DCAKD: variants seen among roughly 807,000 people sequenced by gnomAD.
The protein encoded by DCAKD is dephospho-CoA kinase domain-containing protein.
DCAKD carries 15 observed loss-of-function variants against 18.7 expected under a neutral mutation model. The ratio of observed to expected loss-of-function variants is 0.80; its 90% CI spans 0.54 to 1.24. The LOEUF is 1.24. Ranked by LOEUF, DCAKD falls within the 50% of genes most tolerant of loss-of-function variation. The probability of loss-of-function intolerance (pLI) is 0.00; values close to 1 mark genes in which losing one functional copy is unlikely to be tolerated. For synonymous variants in DCAKD, 130 were observed against 133.0 expected (o/e 0.98, Z 0.16); for missense variants, 301 against 322.0 (o/e 0.93, Z 0.50).
chr17:45,044,112 T>C (rs1218070282), intron 1 of DCAKD, among the ~76,000 whole-genome samples: 1 of 152,048 alleles, frequency 6.6e-6, no homozygotes, highest in Non-Finnish European at 1.5e-5. Context: ...CTCACAGCCG[T>C]CTAACAGTTA....
intron 1 of DCAKD, among the ~76,000 whole-genome samples, chr17:45,036,469 T>C (rs2053300926): frequency 6.6e-6 from 1 of 151,938 alleles, no homozygotes; most frequent in African/African-American, 2.4e-5. Context: ...TGAGCGGAGA[T>C]TGCGCCCCTG....
At chr17:45,025,157 T>C (rs1361714347) in intron 4 of DCAKD, among the ~76,000 whole-genome samples, 1 of 152,056 alleles carries the variant, frequency 6.6e-6, no homozygotes, top group Admixed American at 6.6e-5. Context: ...GAAAGGCCTA[T>C]GCCTATGAGC....
upstream of DCAKD, among the ~76,000 whole-genome samples, chr17:45,053,169 T>TA (rs760029893): frequency 0.18 from 13,141 of 74,948 alleles, 1,779 homozygotes; most frequent in Non-Finnish European, 0.21. Context: ...TGTCTCCAGT[T>TA]AAAAAAAAAA....
intron 3 of DCAKD, among the ~76,000 whole-genome samples, chr17:45,033,177 C>T (rs575792615): frequency 7.3e-6 from 1 of 136,850 alleles, no homozygotes; most frequent in Admixed American, 7.6e-5. Context: ...GAGACCCCAT[C>T]TCTAAAAATA....
At chr17:45,026,855 C>T in intron 4 of DCAKD, 6 of 983,090 alleles carry the variant, frequency 6.1e-6, no homozygotes, top group Non-Finnish European at 7.2e-6. Flanking sequence ...TTAGAGATGG[C>T]CTGGGGCTCC....
intron 1 of DCAKD, among the ~76,000 whole-genome samples, chr17:45,057,232 C>T (rs1206417125): frequency 6.6e-6 from 1 of 151,794 alleles, no homozygotes; most frequent in Non-Finnish European, 1.5e-5. Flanking sequence ...TTTTTAGAGA[C>T]AGGGTCCTCT....
At chr17:45,030,974 G>T (rs1689073833) in intron 3 of DCAKD, 1 of 985,262 alleles carries the variant, frequency 1.0e-6, no homozygotes, top group Admixed American at 6.1e-5. Context: ...GGCTGCTGTG[G>T]GCTACACGCT....
In DCAKD at chr17:45,049,713, CTTTTTTTTTTTTTT is replaced by C. The variant is rs57106886; in HGVS notation, c.-115+1634_-115+1647del. ...AGCAGGTAATTTTCTTTTTCTTTTCCTTTTTTTTTTTTTTTTTTTTTTTGAAACAGAGTCTTGCT... is the reference window on the plus strand; with the variant it reads ...AGCAGGTAATTTTCTTTTTCTTTTCCTTTTTTTTTGAAACAGAGTCTTGCT... On this transcript the variant is annotated intron_variant, in intron 1 of 4. Transcript: ENST00000651974. Among the ~76,000 whole-genome samples, 6 of 111,874 alleles carry C rather than the reference CTTTTTTTTTTTTTT, an allele frequency of 5.4e-5. 1 individual carries two copies. The highest frequency in any genetic ancestry group is 1.6e-4 in the African/African-American group (5 of 30,362). The allele number at this position is 111,874 out of a possible 152,430, so 73.4% of individuals were successfully genotyped here.
chr17:45,060,894 A>G, exon 1 of DCAKD: 1 of 425,798 alleles, frequency 2.3e-6, no homozygotes, highest in Non-Finnish European at 3.2e-6. Flanking sequence ...TTACCCGGGA[A>G]ACGTAACGGT....
At chr17:45,055,294 T>C (rs1156656617), upstream of DCAKD, among the ~76,000 whole-genome samples, 1 of 152,224 alleles carries the variant, frequency 6.6e-6, no homozygotes. Context: ...TCATTTTGTT[T>C]GATGAACAAC....
At chr17:45,048,467 G>A (rs1035608942) in intron 1 of DCAKD, among the ~76,000 whole-genome samples, 4 of 152,158 alleles carry the variant, frequency 2.6e-5, no homozygotes, top group Admixed American at 2.0e-4. Context: ...GTGAAACCCC[G>A]TCTCTACTAA....
At chr17:45,055,868 T>C (rs1424184544), upstream of DCAKD, among the ~76,000 whole-genome samples, 2 of 152,066 alleles carry the variant, frequency 1.3e-5, no homozygotes, top group African/African-American at 4.8e-5. Context: ...AGAAAGGTTA[T>C]ATGTGGCCGG....
At chr17:45,046,485 G>A (rs917729472) in intron 1 of DCAKD, among the ~76,000 whole-genome samples, 2 of 151,966 alleles carry the variant, frequency 1.3e-5, no homozygotes, top group African/African-American at 4.8e-5. Context: ...GCGTGGTGGT[G>A]CGTGCCTGTA....
chr17:45,054,996 C>T (rs144118756), upstream of DCAKD, among the ~76,000 whole-genome samples: 3 of 152,318 alleles, frequency 2.0e-5, no homozygotes, highest in East Asian at 5.8e-4. Flanking sequence ...AAAGCAGCTG[C>T]ACCTCTGCCC....
At chr17:45,025,757 T>TC (rs1199374226) in intron 4 of DCAKD, among the ~76,000 whole-genome samples, 1 of 147,464 alleles carries the variant, frequency 6.8e-6, no homozygotes, top group East Asian at 1.9e-4. Context: ...TTTTTTTTTT[T>TC]TTTTTTTTTT....
At chr17:45,052,401 C>T (rs947882201), upstream of DCAKD, among the ~76,000 whole-genome samples, 1 of 150,882 alleles carries the variant, frequency 6.6e-6, no homozygotes, top group African/African-American at 2.4e-5. Flanking sequence ...TATCATCATC[C>T]CCATTTTACA....
intron 4 of DCAKD, chr17:45,026,650 A>C: frequency 1.0e-6 from 1 of 985,446 alleles, no homozygotes; most frequent in Non-Finnish European, 1.2e-6. Context: ...TCTGGGAAGC[A>C]GACCAAGTGA....
intron 1 of DCAKD, among the ~76,000 whole-genome samples, chr17:45,047,032 AG>A (rs1163683511): frequency 1.3e-5 from 2 of 152,076 alleles, no homozygotes; most frequent in African/African-American, 2.4e-5. Context: ...AAGTTAAAGG[AG>A]GACCTAAAAG....
chr17:45,040,146 G>C (rs961392378), intron 1 of DCAKD, among the ~76,000 whole-genome samples: 2 of 151,314 alleles, frequency 1.3e-5, no homozygotes, highest in African/African-American at 4.9e-5. Context: ...CCAGCACTTT[G>C]GGAGGCCAAG....
Sources: gnomAD v4.1 joint callset for allele counts (sites outside exome capture counted in the v4.1 genomes callset) on GRCh38, gnomAD v4.1.1 for gene constraint, MANE v1.5 for transcripts, NCBI Gene and HGNC (gene_info 2026-07-23, HGNC 2026-07-21) for gene names.